The following MUC7 variants were observed in gnomAD, a reference collection of about 807,000 sequenced individuals.
MUC7 encodes the protein mucin 7, secreted, also known as mucin-7.
MUC7 carries 2 observed loss-of-function variants against 2.5 expected under a neutral mutation model. That is an observed-to-expected ratio of 0.81 (90% CI 0.33 to 2.55). The LOEUF (loss-of-function observed/expected upper bound fraction) is 2.55. Ranked by LOEUF, MUC7 falls within the 30% of genes most tolerant of loss-of-function variation. The pLI is 0.11. For synonymous variants in MUC7, 133 were observed against 173.4 expected (o/e 0.77, Z 1.83); for missense variants, 408 against 455.6 (o/e 0.90, Z 0.95).
chr4:70,435,032 A>C (rs1169557127), intron 1 of MUC7, among the ~76,000 whole-genome samples: 1 of 152,158 alleles, frequency 6.6e-6, no homozygotes, highest in African/African-American at 2.4e-5. Flanking sequence ...TGAGTTTCTT[A>C]ATCCTGAGTT....
At chr4:70,464,850 C>T (rs187057245) in intron 1 of MUC7, among the ~76,000 whole-genome samples, 80 of 152,312 alleles carry the variant, frequency 5.3e-4, no homozygotes, top group Non-Finnish European at 2.8e-4. Context: ...TCCCGCCTGC[C>T]GGCTCTGAAG....
intron 1 of MUC7, among the ~76,000 whole-genome samples, chr4:70,444,582 C>T (rs1187958449): frequency 6.6e-6 from 1 of 152,198 alleles, no homozygotes; most frequent in Non-Finnish European, 1.5e-5. Context: ...GACACCACTG[C>T]AATTGATGAT....
upstream of MUC7, among the ~76,000 whole-genome samples, chr4:70,469,296 T>C (rs1734768226): frequency 6.6e-6 from 1 of 152,152 alleles, no homozygotes; most frequent in African/African-American, 2.4e-5. Flanking sequence ...CCTAAAACCA[T>C]AAAAACCCTA....
At chr4:70,472,794 T>G (rs559294815) in intron 1 of MUC7, among the ~76,000 whole-genome samples, 1 of 152,208 alleles carries the variant, frequency 6.6e-6, no homozygotes, top group African/African-American at 2.4e-5. Flanking sequence ...AACACCCATT[T>G]TATAAACCAT....
At chr4:70,480,615 T>C (rs1437868139) in intron 2 of MUC7, among the ~76,000 whole-genome samples, 184 bp from the exon 3 acceptor site, 3 of 152,054 alleles carry the variant, frequency 2.0e-5, no homozygotes, top group Non-Finnish European at 4.4e-5. Context: ...AAAAGAAAAC[T>C]CTCTAGTAGC....
At chr4:70,461,148 C>T (rs763615374) in intron 1 of MUC7, among the ~76,000 whole-genome samples, 1 of 152,204 alleles carries the variant, frequency 6.6e-6, no homozygotes, top group Non-Finnish European at 1.5e-5. Flanking sequence ...TTACATGTTA[C>T]TCATGCCTTC....
At chr4:70,468,542 A>C (rs951598832), upstream of MUC7, among the ~76,000 whole-genome samples, 1 of 152,148 alleles carries the variant, frequency 6.6e-6, no homozygotes, top group South Asian at 2.1e-4. Flanking sequence ...TCCTTAAGCT[A>C]ATAAGCAACT....
At chr4:70,467,532 AAG>A (rs1386809937), upstream of MUC7, among the ~76,000 whole-genome samples, 1 of 152,198 alleles carries the variant, frequency 6.6e-6, no homozygotes, top group Admixed American at 6.5e-5. Context: ...TAAAGAAGAA[AAG>A]AGAGAAGAAT....
At chr4:70,468,482 A>T (rs375638160), upstream of MUC7, among the ~76,000 whole-genome samples, 3 of 152,200 alleles carry the variant, frequency 2.0e-5, no homozygotes, top group East Asian at 5.8e-4. Context: ...CTCTGTTTGC[A>T]GATGACATGA....
chr4:70,458,557 A>T (rs1734466690), intron 1 of MUC7, among the ~76,000 whole-genome samples: 1 of 152,102 alleles, frequency 6.6e-6, no homozygotes, highest in South Asian at 2.1e-4. Context: ...ACAAAATAAT[A>T]CCAATAAGTT....
At chr4:70,470,433 G>C (rs1378390297), upstream of MUC7, among the ~76,000 whole-genome samples, 2 of 151,836 alleles carry the variant, frequency 1.3e-5, no homozygotes, top group African/African-American at 4.9e-5. Flanking sequence ...AAATGCATAA[G>C]TGTTACTCAT....
At chr4:70,469,032 C>A (rs1013837543), upstream of MUC7, among the ~76,000 whole-genome samples, 5 of 152,148 alleles carry the variant, frequency 3.3e-5, no homozygotes, top group Admixed American at 2.6e-4. Flanking sequence ...GTAACCAAAA[C>A]AACATGGTAC....
upstream of MUC7, among the ~76,000 whole-genome samples, chr4:70,468,174 G>A (rs1734728886): frequency 1.3e-5 from 2 of 152,144 alleles, no homozygotes; most frequent in Admixed American, 1.3e-4. Flanking sequence ...TATCTCAACA[G>A]ATGTAGAAAA....
chr4:70,457,049 G>T (rs965185554), intron 1 of MUC7, among the ~76,000 whole-genome samples: 11 of 152,184 alleles, frequency 7.2e-5, no homozygotes, highest in Non-Finnish European at 1.5e-4. Flanking sequence ...ACAGGGGACT[G>T]CAAACATGGT....
chr4:70,436,535 G>C (rs1733838720), intron 1 of MUC7, among the ~76,000 whole-genome samples: 1 of 152,098 alleles, frequency 6.6e-6, no homozygotes, highest in African/African-American at 2.4e-5. Flanking sequence ...CTCATGCTGT[G>C]GTTTTCAGCT....
intron 2 of MUC7, among the ~76,000 whole-genome samples, chr4:70,479,741 A>G (rs1016121016): frequency 1.3e-4 from 20 of 152,354 alleles, no homozygotes; most frequent in Non-Finnish European, 2.9e-4. Context: ...AAATAAAAAT[A>G]TCTTGCAAAA....
At chr4:70,432,797 C>T (rs1733714208) in intron 1 of MUC7, among the ~76,000 whole-genome samples, 1 of 152,136 alleles carries the variant, frequency 6.6e-6, no homozygotes, top group African/African-American at 2.4e-5. Flanking sequence ...GACATGAAGT[C>T]CTTGCCCATG....
intron 1 of MUC7, among the ~76,000 whole-genome samples, chr4:70,447,613 C>T (rs949321843): frequency 6.6e-6 from 1 of 152,040 alleles, no homozygotes; most frequent in African/African-American, 2.4e-5. Context: ...AAATTCTTTA[C>T]ATTAACTGAT....
chr4:70,455,077 TA>T (rs1047361399), intron 1 of MUC7, among the ~76,000 whole-genome samples: 6 of 152,256 alleles, frequency 3.9e-5, no homozygotes, highest in African/African-American at 9.6e-5. Context: ...CCTTTGGAGA[TA>T]TTTTTTTTTC....
Sources: gnomAD v4.1 joint callset for allele counts (sites outside exome capture counted in the v4.1 genomes callset) on GRCh38, gnomAD v4.1.1 for gene constraint, MANE v1.5 for transcripts, NCBI Gene and HGNC (gene_info 2026-07-23, HGNC 2026-07-21) for gene names.